Variants in ZNF316 observed in about 807,000 individuals in gnomAD.
The protein encoded by ZNF316 is zinc finger protein 316.
A neutral mutation model predicts 75.6 loss-of-function variants in ZNF316; 23 were observed. That is an observed-to-expected ratio of 0.30 (90% confidence interval 0.22 to 0.43). The LOEUF (loss-of-function observed/expected upper bound fraction) is 0.43. Among genes scored for constraint, ZNF316 ranks in the 20% least tolerant of loss-of-function variants. The pLI is 1.00. For synonymous variants in ZNF316, 827 were observed against 666.2 expected (o/e 1.24, Z -3.72); for missense variants, 1,266 against 1,409.4 (o/e 0.90, Z 1.63).
chr7:6,651,110 G>A (rs187097164), intron 8 of ZNF316, among the ~76,000 whole-genome samples: 216 of 152,298 alleles, frequency 1.4e-3, no homozygotes, highest in African/African-American at 5.0e-3. Flanking sequence ...AGCACTTTGG[G>A]AGGCCAAGGT....
chr7:6,642,932 G>T lies in ZNF316; in HGVS notation c.356-32G>T. 1 of 1,232,388 alleles carries T rather than the reference G, an allele frequency of 8.1e-7. No individual in the cohort carries two copies. Among genetic ancestry groups the T allele is most frequent in the Non-Finnish European group, 1.0e-6 (1 of 988,226 alleles). The allele number at this position is 1,232,388 out of a possible 1,614,324, so 76.3% of individuals were successfully genotyped here. A position where few individuals can be genotyped will look rare whatever the true frequency, so the allele number is the denominator to read the frequency against. On this transcript the variant is annotated intron_variant, in intron 5 of 8. Coordinates refer to ENST00000382252, the MANE Select transcript of ZNF316 (RefSeq NM_001278559.2). This position sits in a 1 kb window ranked among gnomAD's most constrained non-coding sequence, Gnocchi z 8.1. Reference sequence around the variant, plus strand: ...CTGGCCCTGCAGGCTGGGGGCTCAGGGCAGCTGGCCCTAAGAGATCTCTCC... The same window carrying T: ...CTGGCCCTGCAGGCTGGGGGCTCAGTGCAGCTGGCCCTAAGAGATCTCTCC...
rs1779559983 is a variant in ZNF316 at position 6,653,601 on chromosome 7, G to A, written c.2005G>A (p.Gly669Arg). Residue 669 changes from glycine to arginine, a missense_variant, in exon 9 of 9, where the codon GGG (glycine) becomes AGG (arginine). This residue lies in a region of ZNF316 where 961 missense variants were observed against 990.9 expected (regional missense o/e 0.97). Transcript: ENST00000382252. ...CGGCGGAGGCGGCCTGCGCGCGTTC[G>A]GGCCCGCCATCGGGGGTCTGCTGGC... ...AGGGGGLRAF[G>R]PAIGGLLAEP... The A allele has an allele frequency of 9.4e-7, 1 of 1,063,624 alleles. No individual in the cohort carries two copies. The highest frequency in any genetic ancestry group is 1.1e-6 in the Non-Finnish European group (1 of 879,354). 65.9% of individuals were successfully genotyped at this position (1,063,624 alleles called of 1,614,324 possible).
At chr7:6,648,263 C>T (rs1562581751) in intron 8 of ZNF316, among the ~76,000 whole-genome samples, 1 of 152,140 alleles carries the variant, frequency 6.6e-6, no homozygotes, top group Non-Finnish European at 1.5e-5. Flanking sequence ...GGCAGCCTGC[C>T]CCCGGGGCAC....
In ZNF316 at chr7:6,640,544, C is replaced by A. The variant is rs1779294625; in HGVS notation, c.-166-1281C>A. On this transcript the variant is annotated intron_variant, in intron 3 of 8. Transcript: ENST00000382252. The surrounding 1 kb of genome is among the most constrained non-coding windows in gnomAD (Gnocchi z 5.1). Reference sequence around the variant, plus strand: ...GGCCCAAGATTCAGGAGGGACCCACCCCCATGATCCAGTCACCTCCCACCA... The same window carrying A: ...GGCCCAAGATTCAGGAGGGACCCACACCCATGATCCAGTCACCTCCCACCA... Among the ~76,000 whole-genome samples, 1 of 152,212 alleles carries A rather than the reference C, an allele frequency of 6.6e-6. No homozygotes were observed. The highest frequency in any genetic ancestry group is 2.4e-5 in the African/African-American group (1 of 41,470).
chr7:6,644,621 G>T, intron 8 of ZNF316, 28 bp downstream of exon 8: 1 of 1,188,620 alleles, frequency 8.4e-7, no homozygotes, highest in Non-Finnish European at 1.1e-6. Context: ...TTTGCGGTTT[G>T]TGCCGATAGC....
At chr7:6,652,211 C>G (rs1769236679) in intron 8 of ZNF316, 92 bp from the exon 9 acceptor site, 2 of 1,183,274 alleles carry the variant, frequency 1.7e-6, no homozygotes, top group Non-Finnish European at 1.1e-6. Flanking sequence ...GGTGGCGTCT[C>G]GGAAGCCCTG....
Position 6,639,889 on chromosome 7 carries a change from A to G in ZNF316, c.-167+748A>G, listed in dbSNP as rs1380820350. Among the ~76,000 whole-genome samples the G allele has an allele frequency of 1.3e-5, 2 of 152,202 alleles. No individual in the cohort carries two copies. Among genetic ancestry groups the G allele is most frequent in the African/African-American group, 4.8e-5 (2 of 41,454 alleles). On this transcript the variant is annotated intron_variant, in intron 3 of 8. Coordinates refer to ENST00000382252, the MANE Select transcript of ZNF316 (RefSeq NM_001278559.2). The surrounding 1 kb of genome is among the most constrained non-coding windows in gnomAD (Gnocchi z 4.2). Reference sequence around the variant, plus strand: ...GCACGTGGATTTCGACACTTTGGGCATCTTCACACGCCAAAGAGCTGTGGA... The same window carrying G: ...GCACGTGGATTTCGACACTTTGGGCGTCTTCACACGCCAAAGAGCTGTGGA...
At chr7:6,647,717 G>C (rs926903739) in intron 8 of ZNF316, among the ~76,000 whole-genome samples, 1 of 152,256 alleles carries the variant, frequency 6.6e-6, no homozygotes, top group African/African-American at 2.4e-5. Context: ...CAGACTCCGA[G>C]ATGGGCAGAG....
intron 6 of ZNF316, 95 bp from the exon 7 acceptor site, chr7:6,643,725 CCT>C: frequency 8.9e-7 from 1 of 1,125,338 alleles, no homozygotes; most frequent in Non-Finnish European, 1.1e-6. Context: ...ATCTGTGTCC[CCT>C]GACACCCATG....
rs1017647133 is a variant in ZNF316, at chr7:6,642,959, C to A, written c.356-5C>A. 2 of 1,232,588 alleles carry A rather than the reference C, an allele frequency of 1.6e-6. No individual in the cohort carries two copies. Among genetic ancestry groups the A allele is most frequent in the South Asian group, 4.1e-5 (1 of 24,334 alleles). The allele number at this position is 1,232,588 out of a possible 1,614,324, so 76.4% of individuals were successfully genotyped here. A position where few individuals can be genotyped will look rare whatever the true frequency, so the allele number is the denominator to read the frequency against. ...CAGCTGGCCCTAAGAGATCTCTCCC[C>A]ACAGGCCTGCAGGCCTCCCGGGCTC... On this transcript the variant is annotated splice_region_variant and splice_polypyrimidine_tract_variant and intron_variant, in intron 5 of 8. Coordinates refer to ENST00000382252, the MANE Select transcript of ZNF316 (RefSeq NM_001278559.2). The surrounding 1 kb of genome is among the most constrained non-coding windows in gnomAD (Gnocchi z 8.1).
At position 6,640,436 on chromosome 7, in the gene ZNF316, A is replaced by C. The variant is rs1779292368; in HGVS notation, c.-167+1295A>C. ...CATGGCGAAAACAGGAACAAGCAAG[A>C]GAGAGTGAGTGGGGAGGCGCCACAC... On this transcript the variant is annotated intron_variant, in intron 3 of 8. Transcript: ENST00000382252. This position sits in a 1 kb window ranked among gnomAD's most constrained non-coding sequence, Gnocchi z 5.1. Among the ~76,000 whole-genome samples the C allele has an allele frequency of 6.6e-6, 1 of 152,100 alleles. No individual in the cohort carries two copies. Among genetic ancestry groups the C allele is most frequent in the Non-Finnish European group, 1.5e-5 (1 of 68,008 alleles).
chr7:6,653,277 G>C lies in ZNF316; in HGVS notation c.1681G>C (p.Val561Leu). 1 of 1,227,898 alleles carries C rather than the reference G, an allele frequency of 8.1e-7. No homozygotes were observed. The highest frequency in any genetic ancestry group is 3.1e-4 in the Middle Eastern group (1 of 3,200). 76.1% of individuals were successfully genotyped at this position (1,227,898 alleles called of 1,614,324 possible). A position where few individuals can be genotyped will look rare whatever the true frequency, so the allele number is the denominator to read the frequency against. Residue 561 changes from valine (V) to leucine (L), a missense_variant, in exon 9 of 9, where the codon GTG becomes CTG. Coordinates refer to ENST00000382252, the MANE Select transcript of ZNF316 (RefSeq NM_001278559.2). ...AAAEEREEAA[V>L]AAPTPSGKVD... ...GGCCGAGGAGAGAGAGGAGGCGGCG[G>C]TGGCGGCGCCCACCCCCAGCGGCAA...
intron 2 of ZNF316, among the ~76,000 whole-genome samples, 180 bp from the exon 3 acceptor site, chr7:6,638,862 A>G (rs758351311): frequency 1.1e-4 from 17 of 152,190 alleles, no homozygotes; most frequent in Non-Finnish European, 1.5e-4. Context: ...CAGTGTTTAC[A>G]GTGGACTGGC....
At position 6,637,803 on chromosome 7, in the gene ZNF316, GC is replaced by G. The variant is rs1779242643; in HGVS notation, c.-430-38del. Reference sequence around the variant, plus strand: ...CAGCGGCAGGGGCTGGGCCGCGGCCGCCCCCAGGACACACCCATCCAGGAGG... The same window carrying G: ...CAGCGGCAGGGGCTGGGCCGCGGCCGCCCCAGGACACACCCATCCAGGAGG... On this transcript the variant is annotated intron_variant, in intron 1 of 8. Transcript: ENST00000382252. The surrounding 1 kb of genome is among the most constrained non-coding windows in gnomAD (Gnocchi z 6.2). The G allele has an allele frequency of 6.6e-6, 1 of 152,140 alleles. No homozygotes were observed. The highest frequency in any genetic ancestry group is 1.5e-5 in the Non-Finnish European group (1 of 68,066). 9.4% of individuals were successfully genotyped at this position (152,140 alleles called of 1,614,324 possible).
At position 6,653,184 on chromosome 7, in the gene ZNF316, C is replaced by T; in HGVS notation, c.1588C>T (p.Pro530Ser). ...CGGCGAGACGGCGGCCGCCGCGGGG[C>T]CCGAGGACACGGACCCTGGGCCAGA... ...EPGETAAAAG[P>S]EDTDPGPEGS... is the part of the protein sequence containing the mutation. The change falls in exon 9 of 9, where the codon CCC (proline) becomes TCC (serine). Residue 530 changes from proline to serine, a missense_variant. Transcript: ENST00000382252. The T allele has an allele frequency of 2.5e-6, 3 of 1,213,020 alleles. No individual in the cohort carries two copies. Among genetic ancestry groups the T allele is most frequent in the South Asian group, 8.3e-5 (2 of 24,216 alleles). The allele number at this position is 1,213,020 out of a possible 1,614,324, so 75.1% of individuals were successfully genotyped here. A position where few individuals can be genotyped will look rare whatever the true frequency, so the allele number is the denominator to read the frequency against.
intron 8 of ZNF316, among the ~76,000 whole-genome samples, chr7:6,650,635 T>G (rs929860402): frequency 3.3e-5 from 5 of 152,042 alleles, no homozygotes; most frequent in Admixed American, 6.6e-5. Flanking sequence ...GCTCCGACTT[T>G]CCCTCTAGGG....
chr7:6,654,766 C>G lies in ZNF316; in HGVS notation c.*155C>G, dbSNP rs1345556586. ...TCGCCCTGCGGCCCCGGGTCTCATGCCCGCCGGGTCCGTGTGCTCAGCCGG... is the reference window on the plus strand; with the variant it reads ...TCGCCCTGCGGCCCCGGGTCTCATGGCCGCCGGGTCCGTGTGCTCAGCCGG... On this transcript the variant is annotated 3_prime_UTR_variant, in exon 9 of 9. Transcript: ENST00000382252. 5.1e-6 allele frequency: 3 copies of G among 589,330 alleles called. No individual in the cohort carries two copies. The highest frequency in any genetic ancestry group is 5.2e-5 in the East Asian group (1 of 19,050). 36.5% of individuals were successfully genotyped at this position (589,330 alleles called of 1,614,324 possible).
At position 6,653,175 on chromosome 7, in the gene ZNF316, G is replaced by A. The variant is rs1779544479; in HGVS notation, c.1579G>A (p.Ala527Thr). ...GCGGGAGCCCGGCGAGACGGCGGCC[G>A]CCGCGGGGCCCGAGGACACGGACCC... ...PRREPGETAAAAGPEDTDPGP... is the reference protein window; with the variant it reads ...PRREPGETAATAGPEDTDPGP... The change falls in exon 9 of 9, where the codon GCC becomes ACC. Residue 527 changes from alanine to threonine, a missense_variant. This residue lies in a region of ZNF316 where 961 missense variants were observed against 990.9 expected (regional missense o/e 0.97). Transcript: ENST00000382252. 1.7e-6 allele frequency: 2 copies of A among 1,205,246 alleles called. No homozygotes were observed. The highest frequency in any genetic ancestry group is 1.0e-6 in the Non-Finnish European group (1 of 971,380). The allele number at this position is 1,205,246 out of a possible 1,614,324, so 74.7% of individuals were successfully genotyped here.
rs1014029109 is a variant in ZNF316 at position 6,637,659 on chromosome 7, C to T, written c.-430-187C>T. Among the ~76,000 whole-genome samples, 1 of 150,944 alleles carries T rather than the reference C, an allele frequency of 6.6e-6. No individual in the cohort carries two copies. Among genetic ancestry groups the T allele is most frequent in the South Asian group, 2.1e-4 (1 of 4,830 alleles). Reference sequence around the variant, plus strand: ...CGCGGCAGCGCCCCCGCCTCCCGGACCCCCGTCCGGGCCTGCGCGTTGCCG... The same window carrying T: ...CGCGGCAGCGCCCCCGCCTCCCGGATCCCCGTCCGGGCCTGCGCGTTGCCG... On this transcript the variant is annotated intron_variant, in intron 1 of 8. Transcript: ENST00000382252. The surrounding 1 kb of genome is among the most constrained non-coding windows in gnomAD (Gnocchi z 6.2).
Sources: gnomAD v4.1 joint callset for allele counts (sites outside exome capture counted in the v4.1 genomes callset) on GRCh38, gnomAD v4.1.1 for gene constraint, gnomAD v4.1.1 regional missense constraint, Gnocchi (gnomAD v3.1) non-coding constraint, MANE v1.5 for transcripts, NCBI Gene and HGNC (gene_info 2026-07-23, HGNC 2026-07-21) for gene names.